KIR2DL4: variants seen among roughly 807,000 people sequenced by gnomAD.
The protein encoded by KIR2DL4 is killer cell immunoglobulin like receptor, two Ig domains and long cytoplasmic tail 4, also known as killer cell immunoglobulin-like receptor 2DL4.
KIR2DL4 carries 41 observed loss-of-function variants against 31.0 expected under a neutral mutation model. The ratio of observed to expected loss-of-function variants is 1.32; its 90% CI spans 1.03 to 1.72. The LOEUF (loss-of-function observed/expected upper bound fraction) is 1.72. KIR2DL4 is among the 40% of genes most tolerant of loss of function. The pLI is 0.00. For missense variants in KIR2DL4, 438 were observed against 353.7 expected (o/e 1.24, Z -1.91); for synonymous variants, 164 against 133.6 (o/e 1.23, Z -1.57).
Position 54,806,013 on chromosome 19 carries a change from G to A in KIR2DL4, c.424G>A (p.Val142Met), listed in dbSNP as rs1055291116. The stretch of plus-strand genomic sequence containing the variant: ...CCCCACGGTTCGCGCAGGAGAGAAC[G>A]TGACCTTGTCCTGCAGCTCCCAGAG... The change falls in exon 4 of 8, where the codon GTG becomes ATG. Residue 142 changes from valine to methionine, a missense_variant. Physicochemically the swap from Val to Met is conservative, Grantham distance 21. Coordinates refer to ENST00000359085, the Ensembl canonical transcript of KIR2DL4. 4.2e-5 allele frequency: 67 copies of A among 1,610,856 alleles called. 3 individuals are homozygous for A. Among genetic ancestry groups the A allele is most frequent in the Non-Finnish European group, 5.3e-5 (63 of 1,179,146 alleles).
exon 8 of KIR2DL4, chr19:54,814,081 C>T (rs1340576468): frequency 2.5e-6 from 4 of 1,611,464 alleles, no homozygotes; most frequent in Middle Eastern, 3.3e-4. Flanking sequence ...CCCAGCTTGC[C>T]AGCTCTAATG....
At chr19:54,813,002 C>T in intron 5 of KIR2DL4, 4 of 665,880 alleles carry the variant, frequency 6.0e-6, no homozygotes, top group South Asian at 5.7e-5. Context: ...GGGTCTCCCG[C>T]CTCGTGGGTG....
At chr19:54,803,752 C>A in intron 1 of KIR2DL4, 61 bp downstream of exon 1, 1 of 1,582,956 alleles carries the variant, frequency 6.3e-7, no homozygotes, top group Non-Finnish European at 8.7e-7. Flanking sequence ...TTGGGTGTCT[C>A]CCCAGCAGAG....
At chr19:54,814,203 C>A in exon 8 of KIR2DL4, 1 of 1,405,240 alleles carries the variant, frequency 7.1e-7, no homozygotes, top group Non-Finnish European at 9.8e-7. Flanking sequence ...GTCCCCACTG[C>A]CTGCTGCAGA....
intron 4 of KIR2DL4, among the ~76,000 whole-genome samples, chr19:54,807,036 T>A (rs1283551119): frequency 7.5e-6 from 1 of 133,554 alleles, no homozygotes; most frequent in African/African-American, 3.1e-5. Flanking sequence ...TAAATACTTT[T>A]ATATTCTTCT....
chr19:54,811,189 G>C (rs2060845847), intron 5 of KIR2DL4, among the ~76,000 whole-genome samples: 1 of 151,054 alleles, frequency 6.6e-6, no homozygotes, highest in African/African-American at 2.5e-5. Context: ...AGTGAGATCA[G>C]GAGTTCGAGA....
chr19:54,804,985 C>T (rs1406208868), exon 3 of KIR2DL4: 2 of 1,612,014 alleles, frequency 1.2e-6, no homozygotes, highest in Non-Finnish European at 1.7e-6. Context: ...GTGACCCCAG[C>T]ACACGCAGGG....
exon 7 of KIR2DL4, chr19:54,813,696 C>T: frequency 3.7e-6 from 6 of 1,611,958 alleles, no homozygotes; most frequent in Non-Finnish European, 5.1e-6. Flanking sequence ...ACAGATGCTG[C>T]TGTAATGAAC....
intron 3 of KIR2DL4, 113 bp from the exon 4 acceptor site, chr19:54,805,838 G>GAGAGAC: frequency 9.7e-7 from 1 of 1,027,276 alleles, no homozygotes. Context: ...GAGGGTGAGA[G>GAGAGAC]AGAGAGAGAG....
At chr19:54,804,834 G>A (rs1307137796) in exon 3 of KIR2DL4, 14 of 1,612,202 alleles carry the variant, frequency 8.7e-6, no homozygotes, top group Non-Finnish European at 1.2e-5. Context: ...GCCCAGCGCT[G>A]TGGTGCCTCA....
At chr19:54,810,864 C>T (rs2060826394) in intron 5 of KIR2DL4, among the ~76,000 whole-genome samples, 1 of 151,270 alleles carries the variant, frequency 6.6e-6, no homozygotes, top group African/African-American at 2.4e-5. Context: ...AGGCAATTCC[C>T]GCCCCCCTGG....
At chr19:54,808,292 C>A (rs1411792093) in intron 4 of KIR2DL4, among the ~76,000 whole-genome samples, 1 of 150,828 alleles carries the variant, frequency 6.6e-6, no homozygotes, top group Non-Finnish European at 1.5e-5. Flanking sequence ...GACAAATGTC[C>A]TGGAGCATTT....
intron 5 of KIR2DL4, 144 bp downstream of exon 5, chr19:54,809,027 G>T: frequency 1.3e-6 from 1 of 766,728 alleles, no homozygotes; most frequent in Non-Finnish European, 2.4e-6. Context: ...CTCCAACAGC[G>T]AAAGGGATCT....
chr19:54,807,458 A>G (rs1402162271), intron 4 of KIR2DL4, among the ~76,000 whole-genome samples: 1 of 151,200 alleles, frequency 6.6e-6, no homozygotes, highest in Non-Finnish European at 1.5e-5. Context: ...TTTTTTTGAC[A>G]TAGCGTTTCA....
In KIR2DL4 at chr19:54,810,953, G is replaced by A. The variant is rs557867687; in HGVS notation, c.706+2070G>A. Among the ~76,000 whole-genome samples the A allele has an allele frequency of 2.8e-4, 43 of 151,396 alleles. 1 individual carries two copies. Among genetic ancestry groups the A allele is most frequent in the Non-Finnish European group, 5.3e-4 (36 of 67,958 alleles). On this transcript the variant is annotated intron_variant, in intron 5 of 7. Coordinates refer to ENST00000359085, the Ensembl canonical transcript of KIR2DL4. Reference sequence around the variant, plus strand: ...TGTTTGTGAGGTAGAGTAATTTGCAGGGAGGGCTTGCCTGGTTTGATTTTT... The same window carrying A: ...TGTTTGTGAGGTAGAGTAATTTGCAAGGAGGGCTTGCCTGGTTTGATTTTT...
chr19:54,811,939 A>G (rs2060888891), intron 5 of KIR2DL4, among the ~76,000 whole-genome samples: 1 of 151,394 alleles, frequency 6.6e-6, no homozygotes, highest in Non-Finnish European at 1.5e-5. Context: ...GAGCTTCATC[A>G]TTATTTCCTG....
intron 7 of KIR2DL4, 24 bp downstream of exon 6, chr19:54,813,766 A>G (rs1369855475): frequency 7.4e-6 from 12 of 1,611,432 alleles, no homozygotes; most frequent in African/African-American, 1.4e-5. Flanking sequence ...GCCCAGCCTC[A>G]TGGATACAGT....
At chr19:54,813,051 C>T (rs2060961164) in intron 5 of KIR2DL4, 2 of 1,205,090 alleles carry the variant, frequency 1.7e-6, no homozygotes, top group African/African-American at 1.9e-5. Context: ...TGCCTGGCAA[C>T]CAAGAAATGA....
exon 8 of KIR2DL4, chr19:54,813,927 C>G (rs753526406): frequency 6.2e-7 from 1 of 1,612,484 alleles, no homozygotes; most frequent in Non-Finnish European, 8.5e-7. Flanking sequence ...ACTGGCCCTT[C>G]TCAGAGGAGC....
Sources: allele counts gnomAD v4.1 joint callset (sites outside exome capture counted in the v4.1 genomes callset), GRCh38; gene constraint gnomAD v4.1.1; transcripts MANE v1.5; gene names NCBI Gene and HGNC (gene_info 2026-07-23, HGNC 2026-07-21).